SGCZ: variants seen among roughly 807,000 people sequenced by gnomAD.
The protein encoded by SGCZ is sarcoglycan zeta, also known as zeta-sarcoglycan.
Under a neutral mutation model 41.3 loss-of-function variants are expected in SGCZ, and 40 were observed. The observed-to-expected ratio is 0.97, with a 90% CI of 0.75 to 1.26. The LOEUF is 1.26. Ranked by LOEUF, SGCZ falls within the 50% of genes most tolerant of loss-of-function variation. The pLI, the probability that SGCZ is intolerant of heterozygous loss-of-function variation, is 0.00. For synonymous variants in SGCZ, 206 were observed against 137.5 expected (o/e 1.50, Z -3.49); for missense variants, 552 against 369.8 (o/e 1.49, Z -4.04).
chr8:14,718,911 G>A (rs900002058), intron 1 of SGCZ, among the ~76,000 whole-genome samples: 4 of 146,762 alleles, frequency 2.7e-5, no homozygotes, highest in Non-Finnish European at 3.0e-5. Flanking sequence ...GTGCAGGTTA[G>A]TTACACATGT....
chr8:14,611,864 T>C (rs941436855), intron 1 of SGCZ, among the ~76,000 whole-genome samples: 2 of 152,216 alleles, frequency 1.3e-5, no homozygotes, highest in Non-Finnish European at 2.9e-5. Flanking sequence ...ATGGTTTTGA[T>C]GCAAAAGCTT....
chr8:14,678,756 A>G (rs1808351328), intron 1 of SGCZ, among the ~76,000 whole-genome samples: 1 of 152,254 alleles, frequency 6.6e-6, no homozygotes, highest in Admixed American at 6.5e-5. Context: ...ATTTATTCAT[A>G]ATTGAAAAAA....
chr8:15,147,440 G>A (rs998680152), intron 1 of SGCZ, among the ~76,000 whole-genome samples: 4 of 152,074 alleles, frequency 2.6e-5, no homozygotes, highest in Non-Finnish European at 5.9e-5. Flanking sequence ...CACCATGCCC[G>A]GCTAATTTTG....
At chr8:14,485,094 G>C (rs915864458) in intron 2 of SGCZ, among the ~76,000 whole-genome samples, 10 of 152,148 alleles carry the variant, frequency 6.6e-5, no homozygotes, top group African/African-American at 2.4e-4. Flanking sequence ...TGAGACAGAG[G>C]CTACTAATTT....
At chr8:14,244,643 G>A (rs186174841) in intron 3 of SGCZ, among the ~76,000 whole-genome samples, 4 of 151,560 alleles carry the variant, frequency 2.6e-5, no homozygotes, top group Non-Finnish European at 5.9e-5. Flanking sequence ...GGCATTGGTA[G>A]CTTGATGGGG....
rs572180697 is a variant in SGCZ at position 14,984,715 on chromosome 8, G to A, written c.39+252870C>T. 7.2e-5 allele frequency among the ~76,000 whole-genome samples: 11 copies of A among 152,246 alleles called. No individual in the cohort carries two copies. The South Asian group carries it at 2.3e-3, about 32-fold the overall frequency. ...ATAATGTAATATGAAAAATTTGACC[G>A]AGGTTTCTAATTTATGTAATGTTCT... On this transcript the variant is annotated intron_variant, in intron 1 of 7. Coordinates refer to ENST00000382080, the MANE Select transcript of SGCZ (RefSeq NM_139167.4).
intron 1 of SGCZ, among the ~76,000 whole-genome samples, chr8:15,092,886 AT>A (rs1806203601): frequency 6.6e-6 from 1 of 152,202 alleles, no homozygotes; most frequent in South Asian, 2.1e-4. Context: ...CTATTTGCTA[AT>A]ACTACTAACA....
intron 1 of SGCZ, among the ~76,000 whole-genome samples, chr8:14,954,816 C>A (rs1800744956): frequency 6.6e-6 from 1 of 152,158 alleles, no homozygotes; most frequent in Non-Finnish European, 1.5e-5. Flanking sequence ...AGGACCCATT[C>A]TTATTCCTGA....
chr8:14,571,272 G>A (rs11203629), intron 1 of SGCZ, among the ~76,000 whole-genome samples: 2 of 152,080 alleles, frequency 1.3e-5, no homozygotes, highest in African/African-American at 2.4e-5. Context: ...CCTTCCACCA[G>A]GTCACTCCCT....
intron 2 of SGCZ, among the ~76,000 whole-genome samples, chr8:14,395,646 T>C (rs1272167679): frequency 6.6e-6 from 1 of 152,176 alleles, no homozygotes; most frequent in Non-Finnish European, 1.5e-5. Context: ...CACAAAAAGT[T>C]ACCCTGGGAA....
chr8:14,803,479 G>A (rs1041946868), intron 1 of SGCZ, among the ~76,000 whole-genome samples: 1 of 152,130 alleles, frequency 6.6e-6, no homozygotes, highest in Non-Finnish European at 1.5e-5. Flanking sequence ...ACGGCACCTG[G>A]AAAATCGGGT....
In SGCZ at chr8:14,324,202, A is replaced by T. The variant is rs1488071243; in HGVS notation, c.237T>A (p.Asp79Glu). Residue 79 changes from aspartate to glutamate, a missense_variant and splice_region_variant, in exon 3 of 8, where the codon GAT becomes GAA. Transcript: ENST00000382080. ...WILKVMNFTV[D>E]GMGNLRVTKK... ...TGGTGACTCTCAGATTTCCCATACCATCCTACAAGCAATGAAATATAGTTC... is the reference window on the plus strand; with the variant it reads ...TGGTGACTCTCAGATTTCCCATACCTTCCTACAAGCAATGAAATATAGTTC... The T allele has an allele frequency of 6.2e-7, 1 of 1,607,696 alleles. No individual in the cohort carries two copies. Among genetic ancestry groups the T allele is most frequent in the African/African-American group, 1.3e-5 (1 of 74,748 alleles).
intron 2 of SGCZ, among the ~76,000 whole-genome samples, chr8:14,498,009 G>A (rs118035520): frequency 6.6e-6 from 1 of 152,064 alleles, no homozygotes; most frequent in Non-Finnish European, 1.5e-5. Flanking sequence ...TATTTTCTAA[G>A]CAAGTGGTGA....
At chr8:14,342,328 T>G (rs1403564204) in intron 2 of SGCZ, among the ~76,000 whole-genome samples, 1 of 152,148 alleles carries the variant, frequency 6.6e-6, no homozygotes, top group Non-Finnish European at 1.5e-5. Context: ...TCTTTTTTTT[T>G]CTTTTTGAGG....
At chr8:14,448,234 A>G (rs1800490776) in intron 2 of SGCZ, among the ~76,000 whole-genome samples, 1 of 152,222 alleles carries the variant, frequency 6.6e-6, no homozygotes, top group African/African-American at 2.4e-5. Flanking sequence ...TACCAAGTAC[A>G]GCTTGTACGT....
At chr8:15,223,738 TG>T (rs1801679157) in intron 1 of SGCZ, among the ~76,000 whole-genome samples, 1 of 152,226 alleles carries the variant, frequency 6.6e-6, no homozygotes, top group Admixed American at 6.5e-5. Context: ...AATTATATTT[TG>T]CACATTTCAG....
chr8:14,226,953 T>C (rs1806393430), intron 4 of SGCZ, among the ~76,000 whole-genome samples: 1 of 152,142 alleles, frequency 6.6e-6, no homozygotes, highest in African/African-American at 2.4e-5. Context: ...GGTCAATTTC[T>C]TAATGTGTAA....
At chr8:14,643,806 G>T (rs200290571) in intron 1 of SGCZ, among the ~76,000 whole-genome samples, 1 of 151,554 alleles carries the variant, frequency 6.6e-6, no homozygotes, top group East Asian at 1.9e-4. Context: ...TAAATTGAAG[G>T]TTGCCTCTAT....
chr8:14,582,806 G>T (rs867629890), intron 1 of SGCZ, among the ~76,000 whole-genome samples: 1 of 150,978 alleles, frequency 6.6e-6, no homozygotes, highest in East Asian at 2.0e-4. Context: ...ATGATTTCCA[G>T]TTTCATCCAT....
Sources: gnomAD v4.1 joint callset for allele counts (sites outside exome capture counted in the v4.1 genomes callset) on GRCh38, gnomAD v4.1.1 for gene constraint, MANE v1.5 for transcripts, NCBI Gene and HGNC (gene_info 2026-07-23, HGNC 2026-07-21) for gene names.